Variants in NFIL3 observed in about 807,000 individuals in gnomAD.
The protein encoded by NFIL3 is nuclear factor, interleukin 3 regulated, also known as nuclear factor interleukin-3-regulated protein.
A neutral mutation model predicts 10.0 loss-of-function variants in NFIL3; 5 were observed. The ratio of observed to expected loss-of-function variants is 0.50; its 90% CI spans 0.26 to 1.06. The LOEUF (loss-of-function observed/expected upper bound fraction) is 1.06, where lower values mean the gene tolerates loss of function less well. Ranked by LOEUF, NFIL3 falls within the 50% of genes least tolerant of loss-of-function variation. NFIL3 has a pLI of 0.13. For synonymous variants in NFIL3, 202 were observed against 206.5 expected (o/e 0.98, Z 0.19); for missense variants, 436 against 547.6 (o/e 0.80, Z 2.03).
chr9:91,416,705 C>T (rs2440589), intron 1 of NFIL3, among the ~76,000 whole-genome samples: 79,538 of 152,030 alleles, frequency 0.52, 22,440 homozygotes, highest in African/African-American at 0.75. Flanking sequence ...ATACATACTC[C>T]GAAGGTGCCA....
intron 1 of NFIL3, among the ~76,000 whole-genome samples, chr9:91,418,277 G>A (rs186980179): frequency 6.6e-6 from 1 of 152,278 alleles, no homozygotes; most frequent in Non-Finnish European, 1.5e-5. Flanking sequence ...CTTAAATGTG[G>A]GGACTATTAA....
At chr9:91,451,682 A>G in the NFIL3 span, among the ~76,000 whole-genome samples, 6 of 152,216 alleles carry the variant, frequency 3.9e-5, no homozygotes, top group African/African-American at 1.4e-4. Flanking sequence ...TACTTAGCAT[A>G]TTAGTGATGA....
At chr9:91,479,631 AG>A in the NFIL3 span, among the ~76,000 whole-genome samples, 1 of 152,184 alleles carries the variant, frequency 6.6e-6, no homozygotes, top group Non-Finnish European at 1.5e-5. Flanking sequence ...CCCTGGCTTC[AG>A]CCCCCTTTCC....
intron 1 of NFIL3, among the ~76,000 whole-genome samples, chr9:91,417,467 T>C (rs1230836728): frequency 1.3e-5 from 2 of 152,236 alleles, no homozygotes; most frequent in Admixed American, 6.5e-5. Context: ...ATGTTAACCC[T>C]ACATTTTCTT....
At chr9:91,457,790 G>A in the NFIL3 span, among the ~76,000 whole-genome samples, 1 of 152,046 alleles carries the variant, frequency 6.6e-6, no homozygotes, top group Non-Finnish European at 1.5e-5. Context: ...TTACTGCTAA[G>A]TATGTTAGCT....
the NFIL3 span, among the ~76,000 whole-genome samples, chr9:91,440,188 C>G: frequency 5.3e-5 from 8 of 151,942 alleles, no homozygotes; most frequent in Non-Finnish European, 1.0e-4. Context: ...TCTTCAATCT[C>G]TTTGTTATTA....
the NFIL3 span, among the ~76,000 whole-genome samples, chr9:91,453,917 G>A: frequency 2.6e-5 from 4 of 151,962 alleles, no homozygotes; most frequent in Admixed American, 6.5e-5. Flanking sequence ...AGAGATTAAG[G>A]CTTGAGAAAT....
chr9:91,450,215 A>ATTTT, the NFIL3 span, among the ~76,000 whole-genome samples: 2 of 152,104 alleles, frequency 1.3e-5, no homozygotes, highest in Non-Finnish European at 2.9e-5. Context: ...TCTGCTATCT[A>ATTTT]ACCTTTATTC....
At chr9:91,457,389 T>A in the NFIL3 span, among the ~76,000 whole-genome samples, 1 of 152,060 alleles carries the variant, frequency 6.6e-6, no homozygotes, top group Non-Finnish European at 1.5e-5. Flanking sequence ...TTATCGCTGT[T>A]ATTTATTTAT....
In NFIL3 at chr9:91,409,565, A is replaced by C; in HGVS notation, c.1170T>G (p.Asp390Glu). The change falls in exon 2 of 2, where the codon GAT (aspartate) becomes GAG (glutamate). Residue 390 changes from aspartate to glutamate, a missense_variant. Physicochemically the swap from Asp to Glu is conservative, Grantham distance 45 (BLOSUM62 2). Coordinates refer to ENST00000297689, the MANE Select transcript of NFIL3 (RefSeq NM_005384.3). ...PFSVQVTNIQ[D>E]WSLKSEHWHQ... ...GCCAGTGCTCCGATTTGAGAGACCA[A>C]TCTTGAATGTTAGTCACTTGCACTG... 6.2e-7 allele frequency: 1 copy of C among 1,614,180 alleles called. No individual in the cohort carries two copies. The highest frequency in any genetic ancestry group is 8.5e-7 in the Non-Finnish European group (1 of 1,179,992).
At chr9:91,473,650 A>G in the NFIL3 span, among the ~76,000 whole-genome samples, 1 of 151,728 alleles carries the variant, frequency 6.6e-6, no homozygotes, top group Non-Finnish European at 1.5e-5. Flanking sequence ...ATTCCCCCTG[A>G]CTCCTTGTGC....
At chr9:91,412,266 A>G (rs1216740750) in intron 1 of NFIL3, among the ~76,000 whole-genome samples, 1 of 152,188 alleles carries the variant, frequency 6.6e-6, no homozygotes, top group Admixed American at 6.5e-5. Context: ...GTTTCAAGTA[A>G]AATATAACAA....
In NFIL3 at chr9:91,409,618, T is replaced by G; in HGVS notation, c.1117A>C (p.Met373Leu). The change falls in exon 2 of 2, where the codon ATG becomes CTG. Residue 373 changes from methionine (M) to leucine (L), a missense_variant. Coordinates refer to ENST00000297689, the MANE Select transcript of NFIL3 (RefSeq NM_005384.3). ...AAAGGAGTAAGAGAAGAATGTACCA[T>G]ACTTGGGGCACTATGCTTTTCGAGT... ...FELEKHSAPS[M>L]VHSSLTPFSV... is the part of the protein sequence containing the mutation. 6.2e-7 allele frequency: 1 copy of G among 1,614,240 alleles called. No homozygotes were observed. Among genetic ancestry groups the G allele is most frequent in the Non-Finnish European group, 8.5e-7 (1 of 1,180,038 alleles).
At chr9:91,423,999 C>T (rs1326600435), upstream of NFIL3, 4 of 147,780 alleles carry the variant, frequency 2.7e-5, no homozygotes, top group Non-Finnish European at 4.5e-5. Flanking sequence ...CCCCGCCTCC[C>T]CGCCCTCAGC....
intron 1 of NFIL3, among the ~76,000 whole-genome samples, chr9:91,413,371 C>T (rs942627416): frequency 6.6e-6 from 1 of 152,008 alleles, no homozygotes; most frequent in African/African-American, 2.4e-5. Context: ...GCCTCAGCCT[C>T]CTGAGTAGCT....
the NFIL3 span, among the ~76,000 whole-genome samples, chr9:91,475,730 AT>A: frequency 3.3e-5 from 5 of 152,250 alleles, no homozygotes; most frequent in Non-Finnish European, 7.3e-5. Flanking sequence ...AATGTTGGAA[AT>A]GAGAAAGGCC....
intron 1 of NFIL3, 95 bp downstream of exon 1, chr9:91,423,545 A>T (rs1224730864): frequency 6.7e-6 from 1 of 149,954 alleles, no homozygotes; most frequent in Non-Finnish European, 1.5e-5. Context: ...GACCCCGCAC[A>T]CAGCGCGGCC....
At chr9:91,448,526 C>T in the NFIL3 span, among the ~76,000 whole-genome samples, 1 of 152,298 alleles carries the variant, frequency 6.6e-6, no homozygotes, top group South Asian at 2.1e-4. Context: ...GGGATCTGCT[C>T]CCTATGACTC....
the NFIL3 span, among the ~76,000 whole-genome samples, chr9:91,434,027 A>T: frequency 6.6e-6 from 1 of 152,192 alleles, no homozygotes; most frequent in South Asian, 2.1e-4. Context: ...TTTCTGATTA[A>T]GAGTATTATA....
Sources: gnomAD v4.1 joint callset for allele counts (sites outside exome capture counted in the v4.1 genomes callset) on GRCh38, gnomAD v4.1.1 for gene constraint, MANE v1.5 for transcripts, NCBI Gene and HGNC (gene_info 2026-07-23, HGNC 2026-07-21) for gene names.